The following ANKRD33B variants were observed in gnomAD, a reference collection of about 807,000 sequenced individuals.
ANKRD33B encodes ankyrin repeat domain 33B.
In ANKRD33B, 6 loss-of-function variants were observed where a neutral mutation model predicts 21.5. The observed-to-expected ratio is 0.28, with a 90% CI of 0.15 to 0.55. The LOEUF (loss-of-function observed/expected upper bound fraction) is 0.55, where lower values mean the gene tolerates loss of function less well. Ranked by LOEUF, ANKRD33B falls within the 20% of genes least tolerant of loss-of-function variation. The pLI is 0.94. For missense variants in ANKRD33B, 698 were observed against 747.2 expected (o/e 0.93, Z 0.77); for synonymous variants, 347 against 342.4 (o/e 1.01, Z -0.15).
intron 3 of ANKRD33B, among the ~76,000 whole-genome samples, chr5:10,649,020 G>T (rs1402490916): frequency 6.6e-6 from 1 of 152,252 alleles, no homozygotes; most frequent in Non-Finnish European, 1.5e-5. Flanking sequence ...GGCTGACTTG[G>T]GGGGATGGCT....
chr5:10,638,749 C>T (rs1736937072), intron 3 of ANKRD33B, among the ~76,000 whole-genome samples: 2 of 151,190 alleles, frequency 1.3e-5, no homozygotes, highest in Admixed American at 1.3e-4. Context: ...TGTGGAGTTG[C>T]TTGTTAACGT....
chr5:10,618,301 C>G (rs532620037), intron 1 of ANKRD33B, 32 bp from the exon 2 acceptor site: 1 of 1,536,028 alleles, frequency 6.5e-7, no homozygotes, highest in Non-Finnish European at 8.7e-7. Context: ...CCGACTCTGC[C>G]CCTCTGACCC....
intron 1 of ANKRD33B, among the ~76,000 whole-genome samples, chr5:10,601,394 G>A (rs1003055621): frequency 7.2e-5 from 11 of 152,150 alleles, no homozygotes; most frequent in African/African-American, 1.2e-4. Context: ...CCTGGGACAC[G>A]GTCCCTCCAC....
chr5:10,617,714 C>G (rs1036400119), intron 1 of ANKRD33B, among the ~76,000 whole-genome samples: 1 of 152,216 alleles, frequency 6.6e-6, no homozygotes, highest in African/African-American at 2.4e-5. Flanking sequence ...TCTGAGACCT[C>G]CTGTTGCCTC....
In ANKRD33B at chr5:10,610,325, G is replaced by T. The variant is rs1348403057; in HGVS notation, c.367-8008G>T. On this transcript the variant is annotated intron_variant, in intron 1 of 3. Coordinates refer to ENST00000296657, the MANE Select transcript of ANKRD33B (RefSeq NM_001164440.2). ...TTGGCAATGTCTAGAGGCATTTTGGGTTGTCATAAATGAGGGTAGGAGATG... is the reference window on the plus strand; with the variant it reads ...TTGGCAATGTCTAGAGGCATTTTGGTTTGTCATAAATGAGGGTAGGAGATG... Among the ~76,000 whole-genome samples, 3 of 152,076 alleles carry T rather than the reference G, an allele frequency of 2.0e-5. No individual in the cohort carries two copies. The East Asian group carries it at 5.8e-4, about 29-fold the overall frequency.
chr5:10,649,719 G>A lies in ANKRD33B; in HGVS notation c.1091G>A (p.Gly364Asp), dbSNP rs764566215. 3 of 1,494,336 alleles carry A rather than the reference G, an allele frequency of 2.0e-6. No homozygotes were observed. Among genetic ancestry groups the A allele is most frequent in the Middle Eastern group, 2.4e-4 (1 of 4,218 alleles). 92.6% of individuals were successfully genotyped at this position (1,494,336 alleles called of 1,614,324 possible). A position where few individuals can be genotyped will look rare whatever the true frequency, so the allele number is the denominator to read the frequency against. Reference protein sequence around the residue: ...PQAQEEDEVGGAGQRGRTGQE... With the variant: ...PQAQEEDEVGDAGQRGRTGQE... ...GCGCAGGAGGAGGATGAGGTGGGGG[G>A]CGCGGGGCAGCGCGGGCGGACCGGA... Residue 364 changes from glycine (G) to aspartate (D), a missense_variant, in exon 4 of 4, where the codon GGC becomes GAC. Physicochemically the swap from Gly to Asp is moderately conservative, Grantham distance 94. Transcript: ENST00000296657.
chr5:10,641,923 TC>T (rs1239766434), intron 3 of ANKRD33B, among the ~76,000 whole-genome samples: 1 of 152,224 alleles, frequency 6.6e-6, no homozygotes, highest in Non-Finnish European at 1.5e-5. Flanking sequence ...CCTGCCCTCA[TC>T]AATGAGAAAT....
At chr5:10,599,608 A>G (rs1171994149) in intron 1 of ANKRD33B, among the ~76,000 whole-genome samples, 1 of 152,202 alleles carries the variant, frequency 6.6e-6, no homozygotes. Context: ...GTATATGGGT[A>G]ATATCACTTA....
chr5:10,616,423 G>A (rs151139543), intron 1 of ANKRD33B, among the ~76,000 whole-genome samples: 126 of 152,134 alleles, frequency 8.3e-4, no homozygotes, highest in African/African-American at 3.0e-3. Context: ...AATTAGCCGG[G>A]CGTGGTGGCA....
At chr5:10,568,140 G>GCACAC (rs1735099799) in intron 1 of ANKRD33B, among the ~76,000 whole-genome samples, 1 of 152,182 alleles carries the variant, frequency 6.6e-6, no homozygotes, top group Non-Finnish European at 1.5e-5. Context: ...ATGTGGCTCA[G>GCACAC]CACACCATTT....
Position 10,649,765 on chromosome 5 carries a change from G to A in ANKRD33B, c.1137G>A (p.Arg379=), listed in dbSNP as rs1343541118. The A allele has an allele frequency of 9.2e-6, 13 of 1,415,222 alleles. No homozygotes were observed. In the South Asian group the frequency reaches 1.9e-4, roughly 21 times the overall value. The allele number at this position is 1,415,222 out of a possible 1,614,324, so 87.7% of individuals were successfully genotyped here. A position where few individuals can be genotyped will look rare whatever the true frequency, so the allele number is the denominator to read the frequency against. The change falls in exon 4 of 4, where the codon CGG becomes CGA. Residue 379 remains arginine (R), a synonymous_variant. Transcript: ENST00000296657. ...CCGGACAGGAGGACGCGGACTCCCG[G>A]GAGGGCTCCCCGAGAGCCGGCCTCC... is the stretch of plus-strand genomic sequence containing the variant. The part of the protein sequence containing the change: ...GRTGQEDADS[R]EGSPRAGLPP...
At position 10,649,978 on chromosome 5, in the gene ANKRD33B, C is replaced by T. The variant is rs112072949; in HGVS notation, c.1350C>T (p.Ser450=). ...RPARKGSTKD[S]GHLQIPKWRY... The stretch of plus-strand genomic sequence containing the variant: ...CGCGGAAGGGCAGCACCAAGGACAG[C>T]GGCCACCTGCAGATCCCCAAGTGGC... Residue 450 remains serine (S), a synonymous_variant, in exon 4 of 4, where the codon AGC becomes AGT. Coordinates refer to ENST00000296657, the MANE Select transcript of ANKRD33B (RefSeq NM_001164440.2). 3,346 of 1,533,236 alleles carry T rather than the reference C, an allele frequency of 2.2e-3. 73 individuals carry two copies. In the African/African-American group the frequency reaches 0.04, roughly 18 times the overall value. 95.0% of individuals were successfully genotyped at this position (1,533,236 alleles called of 1,614,324 possible).
chr5:10,618,161 A>C (rs1736327947), intron 1 of ANKRD33B, among the ~76,000 whole-genome samples, 172 bp from the exon 2 acceptor site: 1 of 152,198 alleles, frequency 6.6e-6, no homozygotes. Flanking sequence ...ACATTTGAGA[A>C]GGATCGAGCG....
chr5:10,651,536 A>C lies in ANKRD33B; in HGVS notation c.*1423A>C, dbSNP rs1737356848. On this transcript the variant is annotated 3_prime_UTR_variant, in exon 4 of 4. Coordinates refer to ENST00000296657, the MANE Select transcript of ANKRD33B (RefSeq NM_001164440.2). ...GCAGGGCAGGGTATGAAAGCTGGAA[A>C]CTCAGGCTGGAGTTTCTAGTTCTAA... The C allele has an allele frequency of 6.6e-6, 1 of 151,852 alleles. No homozygotes were observed. Among genetic ancestry groups the C allele is most frequent in the African/African-American group, 2.4e-5 (1 of 41,232 alleles). The allele number at this position is 151,852 out of a possible 1,614,324, so 9.4% of individuals were successfully genotyped here. A position where few individuals can be genotyped will look rare whatever the true frequency, so the allele number is the denominator to read the frequency against.
rs374491616 is a variant in ANKRD33B, at chr5:10,568,214, T to C, written c.366+3381T>C. Among the ~76,000 whole-genome samples, 83 of 152,386 alleles carry C rather than the reference T, an allele frequency of 5.4e-4. No homozygotes were observed. In the South Asian group the frequency reaches 0.016, roughly 30 times the overall value. On this transcript the variant is annotated intron_variant, in intron 1 of 3. Transcript: ENST00000296657. Reference sequence around the variant, plus strand: ...ATTTAATATGCAACATGTAAATATTTGTCAGATAATTGCCCAATAACATTC... The same window carrying C: ...ATTTAATATGCAACATGTAAATATTCGTCAGATAATTGCCCAATAACATTC...
intron 3 of ANKRD33B, among the ~76,000 whole-genome samples, chr5:10,644,743 CATGTAG>C (rs1210673990): frequency 6.6e-6 from 1 of 152,096 alleles, no homozygotes; most frequent in Non-Finnish European, 1.5e-5. Context: ...GTGAATTTGC[CATGTAG>C]AATTGTTTGA....
chr5:10,644,214 A>G (rs749366261), intron 3 of ANKRD33B, among the ~76,000 whole-genome samples: 4 of 152,246 alleles, frequency 2.6e-5, no homozygotes, highest in Non-Finnish European at 5.9e-5. Flanking sequence ...TGTAATAAAA[A>G]GTATAACCGG....
chr5:10,650,226 C>A lies in ANKRD33B; in HGVS notation c.*113C>A. 3.5e-6 allele frequency: 4 copies of A among 1,156,742 alleles called. No individual in the cohort carries two copies. The highest frequency in any genetic ancestry group is 4.5e-6 in the Non-Finnish European group (4 of 880,188). The allele number at this position is 1,156,742 out of a possible 1,614,324, so 71.7% of individuals were successfully genotyped here. A position where few individuals can be genotyped will look rare whatever the true frequency, so the allele number is the denominator to read the frequency against. On this transcript the variant is annotated 3_prime_UTR_variant, in exon 4 of 4. Coordinates refer to ENST00000296657, the MANE Select transcript of ANKRD33B (RefSeq NM_001164440.2). ...CATCGCACCACTTCCGCTCCATGGA[C>A]CACGGGGCTGCGCGCATTTCCAGGC...
chr5:10,619,378 T>C lies in ANKRD33B; in HGVS notation c.496+916T>C, dbSNP rs11948562. On this transcript the variant is annotated intron_variant, in intron 2 of 3. Transcript: ENST00000296657. The surrounding 1 kb of genome is among the most constrained non-coding windows in gnomAD (Gnocchi z 4.5). ...CTGGAGGAAGTGCCCCCGACCACAC[T>C]GTATGTTGATTCTGGTTGGGAAATG... The C allele has an allele frequency of 0.055, 54,357 of 985,192 alleles. 1,720 individuals are homozygous for C. The highest frequency in any genetic ancestry group is 0.12 in the Admixed American group (1,882 of 16,286). 61.0% of individuals were successfully genotyped at this position (985,192 alleles called of 1,614,324 possible).
Sources: gnomAD v4.1 joint callset for allele counts (sites outside exome capture counted in the v4.1 genomes callset) on GRCh38, gnomAD v4.1.1 for gene constraint, Gnocchi (gnomAD v3.1) non-coding constraint, MANE v1.5 for transcripts, NCBI Gene and HGNC (gene_info 2026-07-23, HGNC 2026-07-21) for gene names.